The following FRMD4B variants were observed in gnomAD, a reference collection of about 807,000 sequenced individuals.
The protein encoded by FRMD4B is FERM domain containing 4B, also known as FERM domain-containing protein 4B.
Under a neutral mutation model 141.5 loss-of-function variants are expected in FRMD4B, and 74 were observed. The ratio of observed to expected loss-of-function variants is 0.52; its 90% CI spans 0.43 to 0.63. FRMD4B has a LOEUF of 0.63. Among genes scored for constraint, FRMD4B ranks in the 30% least tolerant of loss-of-function variants. FRMD4B has a pLI of 0.00. For synonymous variants in FRMD4B, 506 were observed against 467.9 expected, an observed-to-expected ratio of 1.08 and a Z score of -1.05; for missense variants, 1,366 against 1,253.4, an observed-to-expected ratio of 1.09 and a Z score of -1.36.
At chr3:69,327,956 T>C (rs778057098) in intron 1 of FRMD4B, among the ~76,000 whole-genome samples, 1 of 152,186 alleles carries the variant, frequency 6.6e-6, no homozygotes, top group Non-Finnish European at 1.5e-5. Flanking sequence ...TTGAAGCCAA[T>C]GTGGGATTCA....
intron 1 of FRMD4B, among the ~76,000 whole-genome samples, chr3:69,338,600 C>A (rs1396765074): frequency 1.3e-5 from 2 of 152,136 alleles, no homozygotes; most frequent in Non-Finnish European, 1.5e-5. Flanking sequence ...CCAAACACTG[C>A]ATGTTTTCAC....
At chr3:69,175,901 C>T (rs1025901753) in intron 22 of FRMD4B, among the ~76,000 whole-genome samples, 15 of 151,794 alleles carry the variant, frequency 9.9e-5, no homozygotes, top group African/African-American at 3.6e-4. Context: ...CTGCTTCAGC[C>T]TCCCGAGTAG....
intron 1 of FRMD4B, among the ~76,000 whole-genome samples, chr3:69,501,803 G>A (rs928209588): frequency 8.6e-5 from 13 of 152,038 alleles, no homozygotes; most frequent in East Asian, 1.9e-4. Flanking sequence ...GCCCAAAATC[G>A]CCTTAAGCTG....
chr3:69,313,652 GGCC>G, intron 1 of FRMD4B, 135 bp from the exon 2 acceptor site: 1 of 619,952 alleles, frequency 1.6e-6, no homozygotes, highest in South Asian at 1.9e-5. Flanking sequence ...AAACAGGCTT[GGCC>G]AAAAACAGAT....
chr3:69,536,594 G>T, intron 1 of FRMD4B: 3 of 819,462 alleles, frequency 3.7e-6, no homozygotes, highest in Non-Finnish European at 6.2e-6. Context: ...GGAAGCTGCT[G>T]CAGCTCAGGC....
chr3:69,299,000 A>G (rs755011358), intron 4 of FRMD4B, among the ~76,000 whole-genome samples: 146 of 151,948 alleles, frequency 9.6e-4, no homozygotes, highest in Non-Finnish European at 1.5e-3. Context: ...GGAAATCAGC[A>G]ACTATTTATC....
chr3:69,297,918 T>TG (rs1321747103), intron 4 of FRMD4B, among the ~76,000 whole-genome samples: 4 of 93,444 alleles, frequency 4.3e-5, no homozygotes, highest in Admixed American at 1.0e-4. Flanking sequence ...ATTTTATAAC[T>TG]GGAAAAAAGA....
intron 5 of FRMD4B, among the ~76,000 whole-genome samples, chr3:69,274,185 A>G (rs1249871074): frequency 6.6e-6 from 1 of 152,188 alleles, no homozygotes; most frequent in Non-Finnish European, 1.5e-5. Context: ...GGCTTACTAT[A>G]CAATAGCAGT....
chr3:69,437,688 T>C (rs1438844952), intron 1 of FRMD4B, among the ~76,000 whole-genome samples: 1 of 132,826 alleles, frequency 7.5e-6, no homozygotes, highest in Non-Finnish European at 1.5e-5. Flanking sequence ...ATAGTATATA[T>C]GTAGTATATA....
chr3:69,266,385 G>A (rs2093562352), intron 5 of FRMD4B, among the ~76,000 whole-genome samples: 1 of 152,144 alleles, frequency 6.6e-6, no homozygotes, highest in African/African-American at 2.4e-5. Context: ...GAGTGTGGTG[G>A]CACAATCTTG....
At chr3:69,246,837 T>C (rs1371662402) in intron 7 of FRMD4B, among the ~76,000 whole-genome samples, 1 of 152,164 alleles carries the variant, frequency 6.6e-6, no homozygotes, top group African/African-American at 2.4e-5. Flanking sequence ...AAGGCAAAGG[T>C]CTGGACTGGG....
chr3:69,308,074 G>A lies in FRMD4B; in HGVS notation c.323+3189C>T, dbSNP rs138031616. Among the ~76,000 whole-genome samples, 23 of 152,070 alleles carry A rather than the reference G, an allele frequency of 1.5e-4. No individual in the cohort carries two copies. The East Asian group carries it at 4.1e-3, about 27-fold the overall frequency. ...CTGCAAGATCCAATTTTAGTTACTC[G>A]TCTGTGTGACGCCTGCTCCAGTCCT... On this transcript the variant is annotated intron_variant, in intron 3 of 22. Coordinates refer to ENST00000398540, the MANE Select transcript of FRMD4B (RefSeq NM_015123.3).
chr3:69,211,489 A>C (rs2093079407), intron 11 of FRMD4B, among the ~76,000 whole-genome samples: 2 of 152,098 alleles, frequency 1.3e-5, no homozygotes, highest in African/African-American at 4.8e-5. Flanking sequence ...TCAAACAAAT[A>C]CCTCCCTGCC....
chr3:69,511,296 C>G (rs1454168971), intron 1 of FRMD4B, among the ~76,000 whole-genome samples: 1 of 151,978 alleles, frequency 6.6e-6, no homozygotes, highest in Non-Finnish European at 1.5e-5. Flanking sequence ...TCTTTTTAAA[C>G]TGAAAAAGAA....
At chr3:69,223,994 A>G (rs2093224548) in intron 8 of FRMD4B, among the ~76,000 whole-genome samples, 1 of 152,182 alleles carries the variant, frequency 6.6e-6, no homozygotes, top group African/African-American at 2.4e-5. Flanking sequence ...CTATTTTGTA[A>G]TCTTTATTTT....
At chr3:69,330,115 C>T (rs1338420870) in intron 1 of FRMD4B, among the ~76,000 whole-genome samples, 2 of 151,844 alleles carry the variant, frequency 1.3e-5, no homozygotes, top group African/African-American at 2.4e-5. Flanking sequence ...TGGTGTTTTC[C>T]TAGCCCCTAA....
At chr3:69,416,296 G>C (rs904313888) in intron 2 of FRMD4B, among the ~76,000 whole-genome samples, 1 of 152,206 alleles carries the variant, frequency 6.6e-6, no homozygotes, top group Non-Finnish European at 1.5e-5. Context: ...TGTAGAGACA[G>C]GGTCTCACTC....
chr3:69,346,958 C>T (rs1474808700), intron 1 of FRMD4B, among the ~76,000 whole-genome samples: 1 of 152,148 alleles, frequency 6.6e-6, no homozygotes, highest in African/African-American at 2.4e-5. Flanking sequence ...ATCATAATGA[C>T]AGGATCAAAT....
chr3:69,411,008 T>C (rs575504041), intron 2 of FRMD4B, among the ~76,000 whole-genome samples: 117 of 152,028 alleles, frequency 7.7e-4, no homozygotes, highest in African/African-American at 2.7e-3. Context: ...AATCCATGAG[T>C]CCCATGGGCC....
Sources: gnomAD v4.1 joint callset for allele counts (sites outside exome capture counted in the v4.1 genomes callset) on GRCh38, gnomAD v4.1.1 for gene constraint, MANE v1.5 for transcripts, NCBI Gene and HGNC (gene_info 2026-07-23, HGNC 2026-07-21) for gene names.